SIN3B: variants seen among roughly 807,000 people sequenced by gnomAD.
SIN3B encodes the protein paired amphipathic helix protein Sin3b.
SIN3B carries 19 observed loss-of-function variants against 120.2 expected under a neutral mutation model. That is an observed-to-expected ratio of 0.16 (90% confidence interval 0.11 to 0.23). The LOEUF is 0.23. Ranked by LOEUF, SIN3B falls within the 10% of genes least tolerant of loss-of-function variation. The pLI is 1.00. For synonymous variants in SIN3B, 654 were observed against 653.2 expected (o/e 1.00, Z -0.02); for missense variants, 1,073 against 1,573.0 (o/e 0.68, Z 5.38).
chr19:16,865,693 T>TCCCCC, intron 11 of SIN3B, 45 bp downstream of exon 11: 1 of 1,008,332 alleles, frequency 9.9e-7, no homozygotes, highest in Non-Finnish European at 1.3e-6. Flanking sequence ...CCCTTCCCCC[T>TCCCCC]TCCCTCCCCT....
intron 4 of SIN3B, among the ~76,000 whole-genome samples, chr19:16,842,750 A>G (rs1971433770): frequency 1.3e-5 from 2 of 152,146 alleles, no homozygotes; most frequent in African/African-American, 4.8e-5. Context: ...GGGGTGGAAA[A>G]GAAAGGATGT....
chr19:16,835,081 C>T (rs1354239466), intron 3 of SIN3B, among the ~76,000 whole-genome samples: 4 of 151,904 alleles, frequency 2.6e-5, no homozygotes, highest in Non-Finnish European at 4.4e-5. Context: ...CATGCACCAG[C>T]GCGCCCGACT....
chr19:16,830,035 G>T, intron 2 of SIN3B, 138 bp downstream of exon 2: 1 of 613,488 alleles, frequency 1.6e-6, no homozygotes, highest in Non-Finnish European at 3.0e-6. Flanking sequence ...CAGAGCCCTA[G>T]CTCCTTCTCG....
In SIN3B at chr19:16,862,705, C is replaced by A; in HGVS notation, c.1266+146C>A. The A allele has an allele frequency of 9.3e-7, 1 of 1,072,690 alleles. No homozygotes were observed. Among genetic ancestry groups the A allele is most frequent in the Non-Finnish European group, 1.4e-6 (1 of 712,056 alleles). 66.4% of individuals were successfully genotyped at this position (1,072,690 alleles called of 1,614,324 possible). On this transcript the variant is annotated intron_variant, in intron 9 of 18. Transcript: ENST00000248054. This position sits in a 1 kb window ranked among gnomAD's most constrained non-coding sequence, Gnocchi z 4.7. ...GTTATGGGTGGTGCTGGGATGTGGC[C>A]CGGCAAAACCACCTGAGCAGAGACA... is the stretch of plus-strand genomic sequence containing the variant.
chr19:16,868,188 C>G (rs149900697), intron 12 of SIN3B, among the ~76,000 whole-genome samples: 4 of 152,108 alleles, frequency 2.6e-5, no homozygotes, highest in Non-Finnish European at 4.4e-5. Flanking sequence ...ACCTGGGGGA[C>G]TTAGGAAGCA....
chr19:16,879,047 T>C lies in SIN3B; in HGVS notation c.*320T>C, dbSNP rs894011044. The C allele has an allele frequency of 1.6e-5, 7 of 433,788 alleles. No individual in the cohort carries two copies. Among genetic ancestry groups the C allele is most frequent in the Non-Finnish European group, 2.9e-5 (7 of 241,290 alleles). The allele number at this position is 433,788 out of a possible 1,614,324, so 26.9% of individuals were successfully genotyped here. A position where few individuals can be genotyped will look rare whatever the true frequency, so the allele number is the denominator to read the frequency against. ...ATGTGCCAAATCCCTGGCAGGCAGA[T>C]GGCTCCTGCCCCATATTCTTGCCGT... On this transcript the variant is annotated 3_prime_UTR_variant, in exon 19 of 19. Coordinates refer to ENST00000248054, the MANE Select transcript of SIN3B (RefSeq NM_001297595.2).
intron 7 of SIN3B, among the ~76,000 whole-genome samples, 155 bp downstream of exon 7, chr19:16,853,313 G>T (rs926555693): frequency 1.3e-5 from 2 of 152,236 alleles, no homozygotes; most frequent in Non-Finnish European, 2.9e-5. Context: ...CTTTCACTGC[G>T]GAAGGGAATG....
At chr19:16,835,291 C>T (rs537353791) in intron 3 of SIN3B, among the ~76,000 whole-genome samples, 35 of 149,610 alleles carry the variant, frequency 2.3e-4, no homozygotes, top group Non-Finnish European at 4.3e-4. Flanking sequence ...TGCAATGGCA[C>T]GATCTTGGCT....
At chr19:16,868,972 C>T (rs1325900834) in intron 12 of SIN3B, among the ~76,000 whole-genome samples, 1 of 152,132 alleles carries the variant, frequency 6.6e-6, no homozygotes, top group Non-Finnish European at 1.5e-5. Flanking sequence ...GGTCACGGCT[C>T]ACCCTTTGCC....
At chr19:16,837,965 C>T (rs538660795) in intron 3 of SIN3B, among the ~76,000 whole-genome samples, 1 of 152,030 alleles carries the variant, frequency 6.6e-6, no homozygotes, top group Admixed American at 6.6e-5. Flanking sequence ...CTCAGATGGA[C>T]GTGTCGGCCA....
chr19:16,845,614 T>C (rs1568415364), intron 4 of SIN3B, among the ~76,000 whole-genome samples: 1 of 152,198 alleles, frequency 6.6e-6, no homozygotes, highest in Non-Finnish European at 1.5e-5. Context: ...CACACCCTCA[T>C]CGGAAATCCT....
chr19:16,861,458 C>T (rs1330978820), intron 8 of SIN3B, among the ~76,000 whole-genome samples: 2 of 152,082 alleles, frequency 1.3e-5, no homozygotes, highest in African/African-American at 4.8e-5. Flanking sequence ...AAGACCCCAT[C>T]TCTACAAAAA....
rs372297174 is a variant in SIN3B, at chr19:16,832,350, A to G, written c.381+703A>G. Among the ~76,000 whole-genome samples the G allele has an allele frequency of 2.6e-5, 4 of 151,776 alleles. No individual in the cohort carries two copies. In the East Asian group the frequency reaches 7.7e-4, roughly 29 times the overall value. On this transcript the variant is annotated intron_variant, in intron 3 of 18. Transcript: ENST00000248054. ...GTAGCTGGGATTACAGGTGTGCACC[A>G]CCATGCTTAGCTAATTTTTGTATTT...
chr19:16,838,804 C>T (rs560831831), intron 3 of SIN3B, among the ~76,000 whole-genome samples: 1 of 151,716 alleles, frequency 6.6e-6, no homozygotes, highest in East Asian at 1.9e-4. Context: ...TCCAAGTAGC[C>T]GGGATTACAA....
chr19:16,872,899 C>T (rs1243719682), intron 14 of SIN3B, among the ~76,000 whole-genome samples: 3 of 152,168 alleles, frequency 2.0e-5, no homozygotes, highest in African/African-American at 4.8e-5. Flanking sequence ...CCCCCGATTC[C>T]GTCCACCTGT....
chr19:16,829,406 G>T lies in SIN3B; in HGVS notation c.-15G>T. 1 of 1,200,226 alleles carries T rather than the reference G, an allele frequency of 8.3e-7. No individual in the cohort carries two copies. Among genetic ancestry groups the T allele is most frequent in the South Asian group, 4.2e-5 (1 of 23,980 alleles). The allele number at this position is 1,200,226 out of a possible 1,614,324, so 74.3% of individuals were successfully genotyped here. A position where few individuals can be genotyped will look rare whatever the true frequency, so the allele number is the denominator to read the frequency against. On this transcript the variant is annotated 5_prime_UTR_variant, in exon 1 of 19. Coordinates refer to ENST00000248054, the MANE Select transcript of SIN3B (RefSeq NM_001297595.2). ...TCGGGCGGGGGCGGGGCGGGGCGCA[G>T]CTCCGACTTCGGACATGGCGCACGC...
chr19:16,855,225 C>G (rs932776429), intron 8 of SIN3B: 1 of 152,114 alleles, frequency 6.6e-6, no homozygotes, highest in Non-Finnish European at 1.5e-5. Context: ...CCAGGACTGT[C>G]AAGTTCTGGC....
At position 16,878,989 on chromosome 19, in the gene SIN3B, A is replaced by G. The variant is rs1384608634; in HGVS notation, c.*262A>G. ...GGCGGGTGGACGTGCTGGCCGAGGAACAAGCAATCATGTTTGCGTCCCCGT... is the reference window on the plus strand; with the variant it reads ...GGCGGGTGGACGTGCTGGCCGAGGAGCAAGCAATCATGTTTGCGTCCCCGT... On this transcript the variant is annotated 3_prime_UTR_variant, in exon 19 of 19. Coordinates refer to ENST00000248054, the MANE Select transcript of SIN3B (RefSeq NM_001297595.2). 10 of 535,012 alleles carry G rather than the reference A, an allele frequency of 1.9e-5. No homozygotes were observed. The highest frequency in any genetic ancestry group is 3.1e-5 in the East Asian group (1 of 31,984). 33.1% of individuals were successfully genotyped at this position (535,012 alleles called of 1,614,324 possible). A position where few individuals can be genotyped will look rare whatever the true frequency, so the allele number is the denominator to read the frequency against.
chr19:16,836,862 G>A (rs1445985916), intron 3 of SIN3B, among the ~76,000 whole-genome samples: 2 of 152,204 alleles, frequency 1.3e-5, no homozygotes, highest in Non-Finnish European at 2.9e-5. Flanking sequence ...GGGAAGTCCC[G>A]CTAGTTGTCA....
Sources: gnomAD v4.1 joint callset for allele counts (sites outside exome capture counted in the v4.1 genomes callset) on GRCh38, gnomAD v4.1.1 for gene constraint, Gnocchi (gnomAD v3.1) non-coding constraint, MANE v1.5 for transcripts, NCBI Gene and HGNC (gene_info 2026-07-23, HGNC 2026-07-21) for gene names.